Variants in TNFRSF1B observed in about 807,000 individuals in gnomAD.
TNFRSF1B encodes the protein TNF receptor superfamily member 1B.
Under a neutral mutation model 44.6 loss-of-function variants are expected in TNFRSF1B, and 19 were observed. That is an observed-to-expected ratio of 0.43 (90% CI 0.30 to 0.62). The LOEUF (loss-of-function observed/expected upper bound fraction) is 0.62, where lower values mean the gene tolerates loss of function less well. Among genes scored for constraint, TNFRSF1B ranks in the 20% least tolerant of loss-of-function variants. The probability of loss-of-function intolerance (pLI) is 0.16; values close to 1 mark genes in which losing one functional copy is unlikely to be tolerated. For synonymous variants in TNFRSF1B, 252 were observed against 261.1 expected, an observed-to-expected ratio of 0.97 and a Z score of 0.34; for missense variants, 541 against 619.9, an observed-to-expected ratio of 0.87 and a Z score of 1.35.
At chr1:12,204,445 T>A (rs967799274) in intron 9 of TNFRSF1B, among the ~76,000 whole-genome samples, 1 of 152,068 alleles carries the variant, frequency 6.6e-6, no homozygotes, top group African/African-American at 2.4e-5. Context: ...TCCATCCACC[T>A]CCCGGCTACC....
intron 1 of TNFRSF1B, chr1:12,167,480 G>T: frequency 2.3e-6 from 1 of 433,786 alleles, no homozygotes; most frequent in East Asian, 5.4e-5. Context: ...CTGAGCAGCG[G>T]GTCCTGGGCA....
At position 12,191,287 on chromosome 1, in the gene TNFRSF1B, C is replaced by T. The variant is rs952291216; in HGVS notation, c.307+202C>T. Among the ~76,000 whole-genome samples, 4 of 152,234 alleles carry T rather than the reference C, an allele frequency of 2.6e-5. No individual in the cohort carries two copies. The East Asian group carries it at 7.7e-4, about 29-fold the overall frequency. ...CCTCTTCACAGCCCCACGGGGCAGG[C>T]GGTGGGAGAACTGTGCCCACGTGAG... On this transcript the variant is annotated intron_variant, in intron 3 of 9. Coordinates refer to ENST00000376259, the MANE Select transcript of TNFRSF1B (RefSeq NM_001066.3).
rs945438 is a variant in TNFRSF1B, at chr1:12,188,908, A to G, written c.178+13A>G. 0.23 allele frequency: 371,522 copies of G among 1,609,052 alleles called. 44,080 individuals carry two copies. Among genetic ancestry groups the G allele is most frequent in the South Asian group, 0.26 (23,658 of 90,762 alleles). ...AAATGCTCGCCGGGTGAGGGCAGCC[A>G]CGGGGGCACTCGGGGCCCATGCCCT... On this transcript the variant is annotated intron_variant, in intron 2 of 9. Coordinates refer to ENST00000376259, the MANE Select transcript of TNFRSF1B (RefSeq NM_001066.3).
intron 1 of TNFRSF1B, among the ~76,000 whole-genome samples, chr1:12,181,548 C>T (rs955966818): frequency 4.6e-5 from 7 of 152,196 alleles, no homozygotes; most frequent in Non-Finnish European, 7.4e-5. Context: ...ACCCTGACCT[C>T]CTGGCGGTGC....
rs1409117427 is a variant in TNFRSF1B at position 12,207,167 on chromosome 1, G to T, written c.*147G>T. On this transcript the variant is annotated 3_prime_UTR_variant, in exon 10 of 10. Coordinates refer to ENST00000376259, the MANE Select transcript of TNFRSF1B (RefSeq NM_001066.3). ...AGTTCCTCTAGTGCCCTCCACAGCC[G>T]CAGCCTCCCTCTGACCTGCAGGCCA... The T allele has an allele frequency of 2.5e-6, 2 of 807,440 alleles. No individual in the cohort carries two copies. Among genetic ancestry groups the T allele is most frequent in the South Asian group, 2.6e-5 (1 of 37,900 alleles). 50.0% of individuals were successfully genotyped at this position (807,440 alleles called of 1,614,324 possible). A position where few individuals can be genotyped will look rare whatever the true frequency, so the allele number is the denominator to read the frequency against.
chr1:12,191,524 A>G (rs1467231363), intron 3 of TNFRSF1B, among the ~76,000 whole-genome samples: 1 of 147,728 alleles, frequency 6.8e-6, no homozygotes, highest in Non-Finnish European at 1.5e-5. Context: ...ACTGCGGGGG[A>G]CGAGCGCGAC....
intron 9 of TNFRSF1B, among the ~76,000 whole-genome samples, chr1:12,205,375 G>T (rs1639479912): frequency 6.6e-6 from 1 of 152,150 alleles, no homozygotes; most frequent in Non-Finnish European, 1.5e-5. Flanking sequence ...GTGGGAGAAG[G>T]CAGGCTCCAG....
At chr1:12,192,757 C>T in intron 5 of TNFRSF1B, 106 bp from the exon 6 acceptor site, 1 of 1,032,436 alleles carries the variant, frequency 9.7e-7, no homozygotes, top group Non-Finnish European at 1.4e-6. Flanking sequence ...AGAGAGGGCA[C>T]ACATCGTCAC....
chr1:12,204,790 TCACCACCAC>T (rs151248488), intron 9 of TNFRSF1B, among the ~76,000 whole-genome samples: 2 of 150,922 alleles, frequency 1.3e-5, no homozygotes, highest in African/African-American at 2.5e-5. Flanking sequence ...CTTAAAAACA[TCACCACCAC>T]CACCACCACC....
chr1:12,190,968 A>G lies in TNFRSF1B; in HGVS notation c.190A>G (p.Lys64Glu). Reference sequence around the variant, plus strand: ...CCTTGTTTCCTCAGGCCAACATGCAAAAGTCTTCTGTACCAAGACCTCGGA... The same window carrying G: ...CCTTGTTTCCTCAGGCCAACATGCAGAAGTCTTCTGTACCAAGACCTCGGA... ...CSKCSPGQHA[K>E]VFCTKTSDTV... Residue 64 changes from lysine to glutamate, a missense_variant, in exon 3 of 10, where the codon AAA (lysine) becomes GAA (glutamate). Transcript: ENST00000376259. 1 of 1,613,928 alleles carries G rather than the reference A, an allele frequency of 6.2e-7. No homozygotes were observed. The highest frequency in any genetic ancestry group is 1.1e-5 in the South Asian group (1 of 91,078).
At chr1:12,170,525 C>A (rs1349639544) in intron 1 of TNFRSF1B, among the ~76,000 whole-genome samples, 1 of 152,236 alleles carries the variant, frequency 6.6e-6, no homozygotes, top group Non-Finnish European at 1.5e-5. Flanking sequence ...CACTGTCCCT[C>A]CCCACGGCTG....
intron 1 of TNFRSF1B, among the ~76,000 whole-genome samples, chr1:12,170,277 CCT>C (rs1164872306): frequency 1.3e-5 from 2 of 152,200 alleles, no homozygotes; most frequent in Admixed American, 1.3e-4. Context: ...CAGCTCCAAT[CCT>C]CTAGGAGCTA....
Position 12,187,493 on chromosome 1 carries a change from G to A in TNFRSF1B, c.79-1303G>A, listed in dbSNP as rs901473809. Among the ~76,000 whole-genome samples, 14 of 152,072 alleles carry A rather than the reference G, an allele frequency of 9.2e-5. No individual in the cohort carries two copies. In the East Asian group the frequency reaches 1.2e-3, roughly 13 times the overall value. On this transcript the variant is annotated intron_variant, in intron 1 of 9. Transcript: ENST00000376259. This position sits in a 1 kb window ranked among gnomAD's most constrained non-coding sequence, Gnocchi z 5.5. ...TTCATCACATTGTTCATCTCTTCCCGGAGGCATCCAGCACAGTCTTTGAGA... is the reference window on the plus strand; with the variant it reads ...TTCATCACATTGTTCATCTCTTCCCAGAGGCATCCAGCACAGTCTTTGAGA...
rs548425164 is a variant in TNFRSF1B at position 12,186,797 on chromosome 1, G to A, written c.79-1999G>A. Among the ~76,000 whole-genome samples, 17 of 152,328 alleles carry A rather than the reference G, an allele frequency of 1.1e-4. No individual in the cohort carries two copies. In the South Asian group the frequency reaches 3.3e-3, roughly 30 times the overall value. On this transcript the variant is annotated intron_variant, in intron 1 of 9. Coordinates refer to ENST00000376259, the MANE Select transcript of TNFRSF1B (RefSeq NM_001066.3). The surrounding 1 kb of genome is among the most constrained non-coding windows in gnomAD (Gnocchi z 4.8). ...TCATTTCCAGGTGACGCATCTGTGG[G>A]GGCCCCTGAAGGACTTGGGGTGTGT...
rs1557626445 is a variant in TNFRSF1B, at chr1:12,180,055, CA to C, written c.79-8740del. 1.3e-5 allele frequency among the ~76,000 whole-genome samples: 2 copies of C among 151,808 alleles called. No homozygotes were observed. Among genetic ancestry groups the C allele is most frequent in the African/African-American group, 4.8e-5 (2 of 41,336 alleles). On this transcript the variant is annotated intron_variant, in intron 1 of 9. Coordinates refer to ENST00000376259, the MANE Select transcript of TNFRSF1B (RefSeq NM_001066.3). This position sits in a 1 kb window ranked among gnomAD's most constrained non-coding sequence, Gnocchi z 4.3. The stretch of plus-strand genomic sequence containing the variant: ...CGTTCTCAGCGGGTAGATCCCTGCC[CA>C]GGGGGGACCCCCTGGGGAAGGCTGG...
chr1:12,174,768 T>C (rs1638614169), intron 1 of TNFRSF1B, among the ~76,000 whole-genome samples: 2 of 152,212 alleles, frequency 1.3e-5, no homozygotes, highest in Admixed American at 6.5e-5. Flanking sequence ...GGGCATGTTC[T>C]GCTGGGAAAA....
At chr1:12,185,322 C>CT (rs985853527) in intron 1 of TNFRSF1B, among the ~76,000 whole-genome samples, 16 of 151,072 alleles carry the variant, frequency 1.1e-4, no homozygotes, top group African/African-American at 3.9e-4. Context: ...TTTTCTTTCT[C>CT]TTTTTTTAAT....
chr1:12,192,276 C>CTGTGTGTGTGTG (rs4044500), intron 4 of TNFRSF1B, 155 bp from the exon 5 acceptor site: 41 of 688,820 alleles, frequency 6.0e-5, no homozygotes, highest in African/African-American at 3.6e-4. Flanking sequence ...GTACAGGCAT[C>CTGTGTGTGTGTG]TGTGTGTGTG....
At chr1:12,202,420 G>A (rs1283281317) in intron 9 of TNFRSF1B, among the ~76,000 whole-genome samples, 1 of 152,158 alleles carries the variant, frequency 6.6e-6, no homozygotes, top group Non-Finnish European at 1.5e-5. Context: ...TGGGGGAGGA[G>A]TTTTCCTGAA....
Sources: gnomAD v4.1 joint callset for allele counts (sites outside exome capture counted in the v4.1 genomes callset) on GRCh38, gnomAD v4.1.1 for gene constraint, Gnocchi (gnomAD v3.1) non-coding constraint, MANE v1.5 for transcripts, NCBI Gene and HGNC (gene_info 2026-07-23, HGNC 2026-07-21) for gene names.